The following GSAP variants were observed in gnomAD, a reference collection of about 807,000 sequenced individuals.
GSAP encodes gamma-secretase activating protein, also known as gamma-secretase-activating protein.
GSAP carries 118 observed loss-of-function variants against 131.7 expected under a neutral mutation model. The observed-to-expected ratio is 0.90, with a 90% CI of 0.77 to 1.04. GSAP has a LOEUF of 1.04. GSAP is among the 50% of genes least tolerant of loss of function. GSAP has a pLI of 0.00. For synonymous variants in GSAP, 381 were observed against 363.4 expected (o/e 1.05, Z -0.55); for missense variants, 1,019 against 1,013.2 (o/e 1.01, Z -0.08).
chr7:77,388,316 T>C lies in GSAP; in HGVS notation c.368-868A>G, dbSNP rs528437145. On this transcript the variant is annotated intron_variant, in intron 5 of 30. Coordinates refer to ENST00000257626, the MANE Select transcript of GSAP (RefSeq NM_017439.4). ...TTCGGCAGCACAATGGCAAATATTG[T>C]TTGTGTAGGAAAATAAAAAGATTTC... 1.3e-3 allele frequency among the ~76,000 whole-genome samples: 191 copies of C among 152,326 alleles called. 2 individuals carry two copies. The highest frequency in any genetic ancestry group is 2.4e-3 in the Non-Finnish European group (161 of 68,032).
intron 16 of GSAP, among the ~76,000 whole-genome samples, chr7:77,354,277 T>G (rs1793337382): frequency 6.6e-6 from 1 of 152,220 alleles, no homozygotes; most frequent in African/African-American, 2.4e-5. Context: ...GTTATTGTAC[T>G]TATTTTCAAA....
chr7:77,328,176 C>G, intron 22 of GSAP: 1 of 987,966 alleles, frequency 1.0e-6, no homozygotes, highest in Non-Finnish European at 1.2e-6. Flanking sequence ...CTGGAAGCTC[C>G]TCATCTTTAT....
intron 11 of GSAP, 68 bp from the exon 12 acceptor site, chr7:77,374,223 G>T (rs1584566359): frequency 6.5e-6 from 5 of 771,022 alleles, no homozygotes; most frequent in Non-Finnish European, 6.7e-6. Flanking sequence ...AAGGATGTGA[G>T]TAACCACTAA....
chr7:77,358,924 C>T (rs941355566), intron 14 of GSAP, among the ~76,000 whole-genome samples: 2 of 152,194 alleles, frequency 1.3e-5, no homozygotes, highest in African/African-American at 4.8e-5. Context: ...CAGTGGCTCA[C>T]GCCTGTAATC....
intron 12 of GSAP, among the ~76,000 whole-genome samples, chr7:77,369,948 T>A (rs1361660417): frequency 6.6e-6 from 1 of 152,208 alleles, no homozygotes; most frequent in African/African-American, 2.4e-5. Flanking sequence ...AAGCTTATTT[T>A]CTACCCTTCC....
chr7:77,406,129 TACTC>T (rs754368617), intron 1 of GSAP, 24 bp from the exon 2 acceptor site: 109 of 1,210,884 alleles, frequency 9.0e-5, no homozygotes, highest in Middle Eastern at 2.1e-4. Flanking sequence ...AGGAGGTTAA[TACTC>T]AGCAGAAGAT....
chr7:77,377,258 AGGAGTG>A, intron 9 of GSAP, 22 bp downstream of exon 9: 1 of 1,400,742 alleles, frequency 7.1e-7, no homozygotes, highest in Non-Finnish European at 9.4e-7. Context: ...AAAAAAAAAA[AGGAGTG>A]CCCGTGAACT....
chr7:77,390,140 T>G (rs1425076415), intron 5 of GSAP, among the ~76,000 whole-genome samples: 1 of 152,226 alleles, frequency 6.6e-6, no homozygotes, highest in Non-Finnish European at 1.5e-5. Flanking sequence ...TTGTTTGTTT[T>G]CTCTTGTAAA....
chr7:77,312,073 A>C (rs748769755), intron 29 of GSAP, 28 bp downstream of exon 29: 12 of 1,431,018 alleles, frequency 8.4e-6, no homozygotes, highest in Admixed American at 3.6e-5. Flanking sequence ...AAAAACATTT[A>C]GTTGGCTGTG....
intron 12 of GSAP, among the ~76,000 whole-genome samples, chr7:77,364,675 TAA>T (rs535432171): frequency 3.3e-4 from 50 of 151,220 alleles, no homozygotes; most frequent in Admixed American, 2.4e-3. Context: ...AGTGTAATAA[TAA>T]AATAAAATGA....
rs913336445 is a variant in GSAP at position 77,312,798 on chromosome 7, G to C, written c.2272-596C>G. On this transcript the variant is annotated intron_variant, in intron 28 of 30. Transcript: ENST00000257626. ...CGTTCGTGAGAGGACAGTGCCAGAG[G>C]TGCAAGTGTGCAAGGCATGTACACA... Among the ~76,000 whole-genome samples the C allele has an allele frequency of 6.6e-5, 10 of 152,344 alleles. No individual in the cohort carries two copies. In the East Asian group the frequency reaches 1.9e-3, roughly 29 times the overall value.
intron 3 of GSAP, among the ~76,000 whole-genome samples, chr7:77,400,511 G>A (rs920322951): frequency 2.3e-4 from 35 of 152,138 alleles, no homozygotes; most frequent in African/African-American, 7.7e-4. Flanking sequence ...TCTCTCCACT[G>A]GGGTGTCCAA....
At chr7:77,374,629 G>T in intron 11 of GSAP, among the ~76,000 whole-genome samples, 1 of 150,136 alleles carries the variant, frequency 6.7e-6, no homozygotes, top group African/African-American at 2.5e-5. Context: ...CTTGTCTTTT[G>T]TGTAAAAAGG....
At chr7:77,360,702 T>C in intron 14 of GSAP, 122 bp downstream of exon 14, 1 of 608,756 alleles carries the variant, frequency 1.6e-6, no homozygotes, top group Non-Finnish European at 3.1e-6. Context: ...AGTGGGTCAT[T>C]GATTGTCATC....
At chr7:77,402,126 TA>T (rs2151161989) in intron 3 of GSAP, among the ~76,000 whole-genome samples, 1 of 152,200 alleles carries the variant, frequency 6.6e-6, no homozygotes, top group East Asian at 1.9e-4. Flanking sequence ...GAAGGATGGG[TA>T]AGCATTAAGA....
rs575085110 is a variant in GSAP, at chr7:77,336,836, A to T, written c.1546-6469T>A. On this transcript the variant is annotated intron_variant, in intron 19 of 30. Coordinates refer to ENST00000257626, the MANE Select transcript of GSAP (RefSeq NM_017439.4). ...CTATGCTAATCTACCTCTAATGAGT[A>T]TTTCTTTGTTGCATCATAAAATTAA... Among the ~76,000 whole-genome samples, 12 of 152,188 alleles carry T rather than the reference A, an allele frequency of 7.9e-5. No homozygotes were observed. The South Asian group carries it at 2.3e-3, about 29-fold the overall frequency.
chr7:77,397,123 G>A lies in GSAP; in HGVS notation c.314-88C>T, dbSNP rs759037961. ...CCAGTTTAAACCTGAAATAGATGAG[G>A]GCTCAAAGGATATGTCAACGGAAGA... On this transcript the variant is annotated intron_variant, in intron 4 of 30. Coordinates refer to ENST00000257626, the MANE Select transcript of GSAP (RefSeq NM_017439.4). 5.7e-5 allele frequency: 48 copies of A among 844,578 alleles called. 1 individual carries two copies. The highest frequency in any genetic ancestry group is 7.1e-5 in the Non-Finnish European group (37 of 519,452). 52.3% of individuals were successfully genotyped at this position (844,578 alleles called of 1,614,324 possible). A position where few individuals can be genotyped will look rare whatever the true frequency, so the allele number is the denominator to read the frequency against.
At chr7:77,328,441 T>C in intron 22 of GSAP, 165 bp downstream of exon 22, 1 of 1,349,912 alleles carries the variant, frequency 7.4e-7, no homozygotes. Context: ...TAGACAGACA[T>C]GGGAAGAGCC....
At chr7:77,355,483 C>T in intron 15 of GSAP, 53 bp from the exon 16 acceptor site, 1 of 1,513,320 alleles carries the variant, frequency 6.6e-7, no homozygotes, top group South Asian at 1.2e-5. Context: ...ACTCCTTTCA[C>T]CCAAACATAG....
Sources: allele counts gnomAD v4.1 joint callset (sites outside exome capture counted in the v4.1 genomes callset), GRCh38; gene constraint gnomAD v4.1.1; transcripts MANE v1.5; gene names NCBI Gene and HGNC (gene_info 2026-07-23, HGNC 2026-07-21).